CCDC38: variants seen among roughly 807,000 people sequenced by gnomAD.
CCDC38 encodes the protein coiled-coil domain containing 38, also known as coiled-coil domain-containing protein 38.
CCDC38 carries 69 observed loss-of-function variants against 72.8 expected under a neutral mutation model. That is an observed-to-expected ratio of 0.95 (90% CI 0.78 to 1.16). The LOEUF is 1.16. Among genes scored for constraint, CCDC38 ranks in the 50% most tolerant of loss-of-function variants. The pLI is 0.00. For missense variants in CCDC38, 626 were observed against 638.9 expected (o/e 0.98, Z 0.22); for synonymous variants, 201 against 213.2 (o/e 0.94, Z 0.50).
intron 2 of CCDC38, among the ~76,000 whole-genome samples, chr12:95,920,433 C>A (rs923706433): frequency 1.3e-5 from 2 of 152,144 alleles, no homozygotes; most frequent in Non-Finnish European, 2.9e-5. Flanking sequence ...TCTTTATTAG[C>A]AGCATGAGAA....
intron 1 of CCDC38, 27 bp from the exon 2 acceptor site, chr12:95,936,550 T>C (rs547946776): frequency 3.1e-6 from 5 of 1,600,694 alleles, no homozygotes; most frequent in Non-Finnish European, 4.3e-6. Flanking sequence ...AAATACGTTT[T>C]TTAAAAATTC....
chr12:95,909,948 C>T (rs927084918), intron 4 of CCDC38, among the ~76,000 whole-genome samples: 15 of 152,042 alleles, frequency 9.9e-5, no homozygotes, highest in African/African-American at 3.4e-4. Flanking sequence ...CAACATCATA[C>T]GGAACAGGTA....
rs200003296 is a variant in CCDC38, at chr12:95,898,578, C to A, written c.523G>T (p.Ala175Ser). 3.2e-5 allele frequency: 52 copies of A among 1,613,952 alleles called. No individual in the cohort carries two copies. Among genetic ancestry groups the A allele is most frequent in the Non-Finnish European group, 4.2e-5 (49 of 1,179,992 alleles). The change falls in exon 6 of 16, where the codon GCT (alanine) becomes TCT (serine). Residue 175 changes from alanine (A) to serine (S), a missense_variant. Ala to Ser is a moderately conservative substitution (Grantham distance 99, BLOSUM62 1). Coordinates refer to ENST00000344280, the MANE Select transcript of CCDC38 (RefSeq NM_182496.3). The part of the protein sequence containing the change: ...LRENDQRSVD[A>S]LKMAAQETIN... ...AGTGATGAAACAAACATTTTCAGAG[C>A]GTCTACAGATCTCTGGTCATTTTCT... is the stretch of plus-strand genomic sequence containing the variant.
In CCDC38 at chr12:95,888,602, G is replaced by T. The variant is rs1304849574; in HGVS notation, c.872-96C>A. ...AAATGAGCCCGTGCACTTGGTGCAA[G>T]GTATTCATTTTTCTGCACAGACATG... On this transcript the variant is annotated intron_variant, in intron 9 of 15. Coordinates refer to ENST00000344280, the MANE Select transcript of CCDC38 (RefSeq NM_182496.3). 4 of 1,105,190 alleles carry T rather than the reference G, an allele frequency of 3.6e-6. No homozygotes were observed. The African/African-American group carries it at 4.7e-5, about 13-fold the overall frequency. 68.5% of individuals were successfully genotyped at this position (1,105,190 alleles called of 1,614,324 possible).
Position 95,894,991 on chromosome 12 carries a change from G to T in CCDC38, c.770C>A (p.Ala257Glu). 8.1e-6 allele frequency: 13 copies of T among 1,604,952 alleles called. No individual in the cohort carries two copies. The highest frequency in any genetic ancestry group is 1.1e-5 in the Non-Finnish European group (13 of 1,176,770). ...AAAGTTGAGTATAAGTAACTTACTT[G>T]CTAATATTTTTGGAAGGATGATATT... ...KANIILPKILAKLSLHSSNKE... is the reference protein window; with the variant it reads ...KANIILPKILEKLSLHSSNKE... The change falls in exon 8 of 16, where the codon GCA (alanine) becomes GAA (glutamate). Residue 257 changes from alanine (A) to glutamate (E), a missense_variant and splice_region_variant. Transcript: ENST00000344280.
chr12:95,907,852 G>T (rs2080028376), intron 4 of CCDC38, among the ~76,000 whole-genome samples: 1 of 151,136 alleles, frequency 6.6e-6, no homozygotes, highest in Non-Finnish European at 1.5e-5. Flanking sequence ...GGGTGGCCGG[G>T]CAGAGACGCT....
chr12:95,927,730 C>A (rs1303872696), intron 2 of CCDC38, among the ~76,000 whole-genome samples: 2 of 152,052 alleles, frequency 1.3e-5, no homozygotes, highest in Non-Finnish European at 2.9e-5. Flanking sequence ...GTAGGGCAGG[C>A]CTGGTGGTGA....
intron 14 of CCDC38, 46 bp from the exon 15 acceptor site, chr12:95,869,619 G>A (rs1374321530): frequency 2.1e-6 from 3 of 1,411,930 alleles, no homozygotes; most frequent in Admixed American, 1.7e-5. Flanking sequence ...AAATCACATT[G>A]AGTAAGAAAA....
In CCDC38 at chr12:95,869,616, A is replaced by G. The variant is rs373660615; in HGVS notation, c.1485-43T>C. 4.9e-4 allele frequency: 688 copies of G among 1,418,040 alleles called. 1 individual carries two copies. Among genetic ancestry groups the G allele is most frequent in the Non-Finnish European group, 6.5e-4 (651 of 1,007,010 alleles). The allele number at this position is 1,418,040 out of a possible 1,614,324, so 87.8% of individuals were successfully genotyped here. A position where few individuals can be genotyped will look rare whatever the true frequency, so the allele number is the denominator to read the frequency against. The stretch of plus-strand genomic sequence containing the variant: ...AAACATTCTTGTAACTATAAATCAC[A>G]TTGAGTAAGAAAAGTACATTACTAT... On this transcript the variant is annotated intron_variant, in intron 14 of 15. Coordinates refer to ENST00000344280, the MANE Select transcript of CCDC38 (RefSeq NM_182496.3).
chr12:95,903,764 T>C, intron 5 of CCDC38: 1 of 284,350 alleles, frequency 3.5e-6, no homozygotes, highest in Non-Finnish European at 6.5e-6. Flanking sequence ...ATTATCTTTT[T>C]AGTATTATTG....
chr12:95,903,686 C>T, intron 5 of CCDC38: 2 of 421,222 alleles, frequency 4.7e-6, no homozygotes, highest in East Asian at 3.5e-5. Context: ...ATGTGTATTA[C>T]ATTGATTTAT....
chr12:95,893,185 T>G (rs1460663332), intron 8 of CCDC38, among the ~76,000 whole-genome samples: 1 of 152,216 alleles, frequency 6.6e-6, no homozygotes, highest in African/African-American at 2.4e-5. Flanking sequence ...ATATCAATCT[T>G]TCTATCTGAA....
At chr12:95,889,108 G>A (rs776135281) in intron 9 of CCDC38, 11 of 139,796 alleles carry the variant, frequency 7.9e-5, no homozygotes, top group South Asian at 4.8e-4. Flanking sequence ...GCATGATCTC[G>A]GCTCATTGCA....
At chr12:95,913,162 A>G (rs1044561417) in intron 4 of CCDC38, among the ~76,000 whole-genome samples, 1 of 152,232 alleles carries the variant, frequency 6.6e-6, no homozygotes, top group African/African-American at 2.4e-5. Flanking sequence ...GGAGGCCCAC[A>G]TCTTCCTGGG....
chr12:95,899,107 T>A (rs773208327), intron 5 of CCDC38, among the ~76,000 whole-genome samples: 1 of 152,138 alleles, frequency 6.6e-6, no homozygotes, highest in Non-Finnish European at 1.5e-5. Context: ...TCTCCTCCAA[T>A]AGGAAGACCA....
intron 13 of CCDC38, among the ~76,000 whole-genome samples, chr12:95,876,659 C>T (rs1291541302): frequency 6.6e-6 from 1 of 152,138 alleles, no homozygotes; most frequent in Admixed American, 6.5e-5. Context: ...AACCCCATCC[C>T]CTACTAACTC....
At chr12:95,895,313 G>C (rs2079874666) in intron 7 of CCDC38, among the ~76,000 whole-genome samples, 167 bp from the exon 8 acceptor site, 1 of 152,124 alleles carries the variant, frequency 6.6e-6, no homozygotes, top group South Asian at 2.1e-4. Context: ...TATGAAATGA[G>C]ATGAAGGAAA....
intron 8 of CCDC38, among the ~76,000 whole-genome samples, chr12:95,892,451 T>G (rs2079838934): frequency 6.6e-6 from 1 of 151,432 alleles, no homozygotes; most frequent in African/African-American, 2.4e-5. Flanking sequence ...GCTCAGCTAA[T>G]TTTTAAATTT....
intron 2 of CCDC38, chr12:95,933,158 A>C (rs956886145): frequency 6.6e-6 from 1 of 152,208 alleles, no homozygotes. Flanking sequence ...TTAAAAACAC[A>C]AAAAGTAGTA....
Sources: allele counts gnomAD v4.1 joint callset (sites outside exome capture counted in the v4.1 genomes callset), GRCh38; gene constraint gnomAD v4.1.1; transcripts MANE v1.5; gene names NCBI Gene and HGNC (gene_info 2026-07-23, HGNC 2026-07-21).